Variants in RNF216 observed in about 807,000 individuals in gnomAD.
The protein encoded by RNF216 is ring finger protein 216.
A neutral mutation model predicts 110.8 loss-of-function variants in RNF216; 72 were observed. The observed-to-expected ratio is 0.65, with a 90% confidence interval of 0.54 to 0.79. The LOEUF (loss-of-function observed/expected upper bound fraction) is 0.79. RNF216 is among the 30% of genes least tolerant of loss of function. The pLI is 0.00. For missense variants in RNF216, 1,342 were observed against 1,141.2 expected (o/e 1.18, Z -2.54); for synonymous variants, 495 against 407.5 (o/e 1.21, Z -2.59).
rs771721295 is a variant in RNF216, at chr7:5,622,873, C to G, written c.2759G>C (p.Arg920Pro). The G allele has an allele frequency of 1.2e-6, 2 of 1,601,600 alleles. No individual in the cohort carries two copies. The highest frequency in any genetic ancestry group is 2.2e-5 in the East Asian group (1 of 44,564). Residue 920 changes from arginine (R) to proline (P), a missense_variant, in exon 17 of 17, where the codon CGG (arginine) becomes CCG (proline). Coordinates refer to ENST00000389902, the MANE Select transcript of RNF216 (RefSeq NM_207111.4). ...GATTCGGGGCCATCAGAAGCGATGC[C>G]GCGGCTGGGGGCCAAAGTGCATGGG... The part of the protein sequence containing the change: ...NLPMHFGPQP[R>P]HRF
chr7:5,665,510 G>C (rs1229437880), intron 13 of RNF216, among the ~76,000 whole-genome samples: 3 of 152,038 alleles, frequency 2.0e-5, no homozygotes, highest in South Asian at 2.1e-4. Flanking sequence ...CCAGGATTAG[G>C]TGACAAATTG....
rs768981922 is a variant in RNF216 at position 5,652,395 on chromosome 7, C to G, written c.2159+18G>C. ...AGTTGAGAATCAGCCCATAGCCCCT[C>G]TGAATTCTGTTACTCACATAGAGGT... is the stretch of plus-strand genomic sequence containing the variant. On this transcript the variant is annotated intron_variant, in intron 14 of 16. Coordinates refer to ENST00000389902, the MANE Select transcript of RNF216 (RefSeq NM_207111.4). The G allele has an allele frequency of 1.9e-6, 3 of 1,567,490 alleles. No individual in the cohort carries two copies. The highest frequency in any genetic ancestry group is 1.7e-5 in the Admixed American group (1 of 59,916).
intron 5 of RNF216, among the ~76,000 whole-genome samples, chr7:5,739,007 T>G (rs1027296615): frequency 1.3e-5 from 2 of 152,156 alleles, no homozygotes; most frequent in Non-Finnish European, 2.9e-5. Context: ...TCCCTGATAG[T>G]AGCCAAATCC....
intron 14 of RNF216, among the ~76,000 whole-genome samples, chr7:5,651,648 CT>C (rs1463497093): frequency 2.1e-5 from 3 of 142,366 alleles, no homozygotes; most frequent in East Asian, 2.0e-4. Context: ...TCATTGCATT[CT>C]TTTTTTCTTT....
intron 13 of RNF216, among the ~76,000 whole-genome samples, chr7:5,677,107 C>A (rs1389568403): frequency 6.6e-6 from 1 of 152,206 alleles, no homozygotes; most frequent in Non-Finnish European, 1.5e-5. Flanking sequence ...GGCACTCTGA[C>A]GTATGGTTTA....
chr7:5,685,607 G>C (rs943923244), intron 13 of RNF216, among the ~76,000 whole-genome samples: 1 of 152,214 alleles, frequency 6.6e-6, no homozygotes, highest in African/African-American at 2.4e-5. Context: ...TGAGCTAAAA[G>C]TGAGAGGGGA....
At chr7:5,751,584 C>T (rs1310592113) in intron 3 of RNF216, among the ~76,000 whole-genome samples, 1 of 152,088 alleles carries the variant, frequency 6.6e-6, no homozygotes, top group Non-Finnish European at 1.5e-5. Flanking sequence ...AATTCTTACA[C>T]AGGAAAGGTG....
At position 5,780,697 on chromosome 7, in the gene RNF216, T is replaced by G. The variant is rs529198853; in HGVS notation, c.-70+844A>C. Among the ~76,000 whole-genome samples the G allele has an allele frequency of 7.3e-5, 11 of 150,684 alleles. No individual in the cohort carries two copies. The South Asian group carries it at 2.3e-3, about 32-fold the overall frequency. On this transcript the variant is annotated intron_variant, in intron 1 of 16. Coordinates refer to ENST00000389902, the MANE Select transcript of RNF216 (RefSeq NM_207111.4). ...TCCAGCCTGGGCAACAGAGCAAGACTCCGTCTCAAAGAAAAGGAGAAAAAA... is the reference window on the plus strand; with the variant it reads ...TCCAGCCTGGGCAACAGAGCAAGACGCCGTCTCAAAGAAAAGGAGAAAAAA...
intron 1 of RNF216, among the ~76,000 whole-genome samples, chr7:5,761,644 G>A (rs762819878): frequency 2.6e-5 from 4 of 152,096 alleles, no homozygotes; most frequent in African/African-American, 7.2e-5. Flanking sequence ...AAATTAGCTG[G>A]GCGTGGTGGC....
chr7:5,730,572 T>A, intron 6 of RNF216, 143 bp downstream of exon 6: 1 of 1,011,696 alleles, frequency 9.9e-7, no homozygotes, highest in Admixed American at 2.8e-5. Context: ...ATAGATATAT[T>A]CTGAAATCCT....
At chr7:5,634,271 T>C (rs970189724) in intron 15 of RNF216, among the ~76,000 whole-genome samples, 10 of 152,176 alleles carry the variant, frequency 6.6e-5, no homozygotes, top group Non-Finnish European at 2.9e-5. Flanking sequence ...TGACTGGGAA[T>C]TGCAAGTCGA....
In RNF216 at chr7:5,737,407, C is replaced by G. The variant is rs185438598; in HGVS notation, c.1121+1869G>C. Among the ~76,000 whole-genome samples the G allele has an allele frequency of 9.4e-3, 1,429 of 152,156 alleles. 23 individuals carry two copies. The highest frequency in any genetic ancestry group is 0.033 in the African/African-American group (1,366 of 41,504). ...TGCGGAAGACCCCAGGGTCCTCTGC[C>G]TAGGAAAACCAGAGACCTTTGTTCA... On this transcript the variant is annotated intron_variant, in intron 5 of 16. Transcript: ENST00000389902.
intron 7 of RNF216, among the ~76,000 whole-genome samples, chr7:5,725,755 CAGG>C (rs1343224571): frequency 6.8e-6 from 1 of 148,110 alleles, no homozygotes; most frequent in Non-Finnish European, 1.5e-5. Flanking sequence ...GAGGCTGCGG[CAGG>C]AGAATCGCTT....
intron 13 of RNF216, among the ~76,000 whole-genome samples, chr7:5,673,907 C>T (rs192256919): frequency 6.9e-6 from 1 of 144,996 alleles, no homozygotes; most frequent in East Asian, 2.1e-4. Context: ...ATCGCCCAGG[C>T]TGGTGTGCAC....
At position 5,667,248 on chromosome 7, in the gene RNF216, T is replaced by C. The variant is rs562206380; in HGVS notation, c.2062-14738A>G. ...CAAGTATTTGTTTTATAAAACTGTT[T>C]CTGTTCCACCTATATTTATTTATGT... On this transcript the variant is annotated intron_variant, in intron 13 of 16. Transcript: ENST00000389902. Among the ~76,000 whole-genome samples the C allele has an allele frequency of 1.3e-4, 20 of 152,384 alleles. No individual in the cohort carries two copies. In the South Asian group the frequency reaches 4.1e-3, roughly 32 times the overall value.
At chr7:5,720,620 C>T (rs1010284074) in intron 9 of RNF216, among the ~76,000 whole-genome samples, 1 of 152,110 alleles carries the variant, frequency 6.6e-6, no homozygotes, top group Admixed American at 6.5e-5. Flanking sequence ...GGTTTGACCT[C>T]GCAGACCCCC....
intron 15 of RNF216, among the ~76,000 whole-genome samples, chr7:5,640,584 G>A (rs796801060): frequency 4.4e-4 from 67 of 152,238 alleles, no homozygotes; most frequent in African/African-American, 1.6e-3. Flanking sequence ...TATTTTTAAA[G>A]CTTAAATCAA....
chr7:5,773,826 C>T (rs1034180519), intron 1 of RNF216, among the ~76,000 whole-genome samples: 1 of 152,178 alleles, frequency 6.6e-6, no homozygotes, highest in African/African-American at 2.4e-5. Flanking sequence ...CTCAGCCTCC[C>T]AAAGTCCTGG....
At chr7:5,632,805 C>T (rs573107958) in intron 15 of RNF216, among the ~76,000 whole-genome samples, 24 of 152,192 alleles carry the variant, frequency 1.6e-4, no homozygotes, top group Non-Finnish European at 2.4e-4. Flanking sequence ...CCCTCCAGTG[C>T]CCCATCGCTA....
Sources: allele counts gnomAD v4.1 joint callset (sites outside exome capture counted in the v4.1 genomes callset), GRCh38; gene constraint gnomAD v4.1.1; transcripts MANE v1.5; gene names NCBI Gene and HGNC (gene_info 2026-07-23, HGNC 2026-07-21).